MUTYH: variants seen among roughly 807,000 people sequenced by gnomAD.
The protein encoded by MUTYH is mutY DNA glycosylase.
A neutral mutation model predicts 72.9 loss-of-function variants in MUTYH; 64 were observed. The ratio of observed to expected loss-of-function variants is 0.88; its 90% CI spans 0.72 to 1.08. MUTYH has a LOEUF of 1.08. MUTYH is among the 50% of genes least tolerant of loss of function. MUTYH has a pLI of 0.00. For synonymous variants in MUTYH, 234 were observed against 263.1 expected, an observed-to-expected ratio of 0.89 and a Z score of 1.07; for missense variants, 633 against 671.0, an observed-to-expected ratio of 0.94 and a Z score of 0.63.
rs755651654 is a variant in MUTYH at position 45,331,456 on chromosome 1, C to A, written c.1203G>T (p.Gly401=). 2.5e-6 allele frequency: 4 copies of A among 1,614,104 alleles called. No individual in the cohort carries two copies. The East Asian group carries it at 8.9e-5, about 36-fold the overall frequency. Residue 401 remains glycine (G), a synonymous_variant, in exon 13 of 16, where the codon GGG becomes GGT. Transcript: ENST00000456914. ...GCCGGAGGTGCGTGGCTGGGAGGGG[C>A]CCAGCCCAACGCTGTAGTTCCTGCA... ...ALLQELQRWA[G]PLPATHLRHL... is the part of the protein sequence containing the mutation.
chr1:45,330,475 G>A, intron 15 of MUTYH, 41 bp downstream of exon 15: 1 of 1,592,034 alleles, frequency 6.3e-7, no homozygotes, highest in Non-Finnish European at 8.6e-7. Context: ...TATGGACTCA[G>A]GCCTGGGGAG....
At chr1:45,333,696 A>G in intron 2 of MUTYH, 135 bp from the exon 3 acceptor site, 1 of 1,311,354 alleles carries the variant, frequency 7.6e-7, no homozygotes, top group Non-Finnish European at 1.0e-6. Flanking sequence ...TTGGAGCTGG[A>G]GTCAGACCAG....
At chr1:45,335,412 G>A (rs994574988) in intron 1 of MUTYH, among the ~76,000 whole-genome samples, 1 of 151,562 alleles carries the variant, frequency 6.6e-6, no homozygotes, top group Non-Finnish European at 1.5e-5. Context: ...CCAAACCTTT[G>A]ACTTTACCAC....
rs2149188562 is a variant in MUTYH at position 45,334,461 on chromosome 1, C to T, written c.45G>A (p.Gln15=). ...TCTGCCTCCCTTCCTGGCTGGCTGCCTGCTTCCTGTGACCACTTCCCACGG... is the reference window on the plus strand; with the variant it reads ...TCTGCCTCCCTTCCTGGCTGGCTGCTTGCTTCCTGTGACCACTTCCCACGG... ...RAAVGSGHRK[Q]AASQEGRQKH... The change falls in exon 2 of 16, where the codon CAG becomes CAA. Residue 15 remains glutamine (Q), a synonymous_variant. Transcript: ENST00000456914. 1 of 1,614,152 alleles carries T rather than the reference C, an allele frequency of 6.2e-7. No individual in the cohort carries two copies. Among genetic ancestry groups the T allele is most frequent in the East Asian group, 2.2e-5 (1 of 44,884 alleles).
At chr1:45,335,592 C>T (rs941864533) in intron 1 of MUTYH, among the ~76,000 whole-genome samples, 2 of 152,152 alleles carry the variant, frequency 1.3e-5, no homozygotes, top group Non-Finnish European at 2.9e-5. Context: ...CACGGTGGCT[C>T]ATGCCTGTAA....
intron 1 of MUTYH, among the ~76,000 whole-genome samples, chr1:45,335,316 C>T (rs776949069): frequency 2.0e-5 from 3 of 152,066 alleles, no homozygotes; most frequent in African/African-American, 4.8e-5. Context: ...GGAGATTAAG[C>T]GACTTGTTCT....
intron 15 of MUTYH, 90 bp from the exon 16 acceptor site, chr1:45,329,527 T>C: frequency 6.5e-7 from 1 of 1,529,194 alleles, no homozygotes; most frequent in Non-Finnish European, 8.9e-7. Context: ...TCCCCGACTC[T>C]ACTGATCTAG....
rs1434384304 is a variant in MUTYH, at chr1:45,331,269, C to T, written c.1305G>A (p.Gln435=). 6.2e-7 allele frequency: 1 copy of T among 1,614,162 alleles called. No individual in the cohort carries two copies. ...CTGGTGGTACGGTGGTCACTGGGGT[C>T]TGCCCTTCCAAGGCCAGCCCATATA... is the stretch of plus-strand genomic sequence containing the variant. The part of the protein sequence containing the change: ...YQVYGLALEG[Q]TPVTTVPPGA... Residue 435 remains glutamine (Q), a synonymous_variant, in exon 14 of 16, where the codon CAG becomes CAA. Coordinates refer to ENST00000456914, the MANE Select transcript of MUTYH (RefSeq NM_001048174.2).
At chr1:45,334,592 C>T in intron 1 of MUTYH, 81 bp from the exon 2 acceptor site, 6 of 1,586,788 alleles carry the variant, frequency 3.8e-6, no homozygotes, top group South Asian at 3.3e-5. Context: ...TAGCTATCTC[C>T]CTCTCATCCA....
At chr1:45,334,286 G>A (rs1246933472) in intron 2 of MUTYH, 105 bp downstream of exon 2, 21 of 1,552,036 alleles carry the variant, frequency 1.4e-5, no homozygotes, top group Non-Finnish European at 1.8e-5. Context: ...ACCGCACCTG[G>A]CCCTTAGTAA....
chr1:45,339,808 C>G (rs1646683354), intron 1 of MUTYH, 91 bp downstream of exon 1: 1 of 1,299,118 alleles, frequency 7.7e-7, no homozygotes, highest in Non-Finnish European at 1.0e-6. Flanking sequence ...CGACCCTCTC[C>G]TAGTCTAACT....
rs587781533 is a variant in MUTYH, at chr1:45,331,508, G to A, written c.1151C>T (p.Ser384Leu). 6 of 1,614,030 alleles carry A rather than the reference G, an allele frequency of 3.7e-6. No homozygotes were observed. Among genetic ancestry groups the A allele is most frequent in the Non-Finnish European group, 5.1e-6 (6 of 1,180,046 alleles). Residue 384 changes from serine (S) to leucine (L), a missense_variant, in exon 13 of 16, where the codon TCA (serine) becomes TTA (leucine). By Grantham distance (145) the Ser-to-Leu change is moderately radical. Coordinates refer to ENST00000456914, the MANE Select transcript of MUTYH (RefSeq NM_001048174.2). ...CAGGGCCTTGCGCTGAAGCTGCTCT[G>A]AGGGCTCCCAGGTCACGGACGGGAA... ...WEFPSVTWEP[S>L]EQLQRKALLQ...
intron 2 of MUTYH, chr1:45,334,004 C>T (rs1169003037): frequency 2.7e-6 from 1 of 375,874 alleles, no homozygotes; most frequent in Non-Finnish European, 5.0e-6. Context: ...ATTACACCCT[C>T]AGTGAGTCTC....
chr1:45,339,776 G>C (rs1646674121), intron 1 of MUTYH, 123 bp downstream of exon 1: 2 of 1,175,344 alleles, frequency 1.7e-6, no homozygotes, highest in East Asian at 5.6e-5. Context: ...CCGATGCCCA[G>C]AACGCCCTTC....
In MUTYH at chr1:45,330,564, A is replaced by G. The variant is rs1351600441; in HGVS notation, c.1393-7T>C. 6.2e-7 allele frequency: 1 copy of G among 1,607,468 alleles called. No homozygotes were observed. Among genetic ancestry groups the G allele is most frequent in the Non-Finnish European group, 8.5e-7 (1 of 1,176,654 alleles). ...CCTGATACACACGGAAAACCTAGAC[A>G]AGAAGACAGGGAGGTGAGGGCTGGC... is the stretch of plus-strand genomic sequence containing the variant. On this transcript the variant is annotated splice_polypyrimidine_tract_variant and splice_region_variant and intron_variant, in intron 14 of 15. Coordinates refer to ENST00000456914, the MANE Select transcript of MUTYH (RefSeq NM_001048174.2).
intron 1 of MUTYH, among the ~76,000 whole-genome samples, chr1:45,335,861 T>C (rs1041021360): frequency 6.6e-6 from 1 of 152,066 alleles, no homozygotes; most frequent in Non-Finnish European, 1.5e-5. Flanking sequence ...TATGGCCCTC[T>C]GACATGCTGA....
At chr1:45,340,233 G>A (rs753502884), upstream of MUTYH, 4 of 1,613,852 alleles carry the variant, frequency 2.5e-6, no homozygotes, top group East Asian at 2.2e-5. Flanking sequence ...AGACGACTCA[G>A]GCGGGAGACG....
At chr1:45,339,700 T>C (rs1482265795) in intron 1 of MUTYH, 199 bp downstream of exon 1, 1 of 628,586 alleles carries the variant, frequency 1.6e-6, no homozygotes, top group Non-Finnish European at 2.6e-6. Flanking sequence ...CCTCCTCCGA[T>C]GGCCCACTCC....
upstream of MUTYH, chr1:45,340,411 T>C: frequency 6.5e-7 from 1 of 1,536,584 alleles, no homozygotes; most frequent in East Asian, 2.5e-5. Context: ...GGACTGCTCC[T>C]TCCGCCTGAA....
Sources: allele counts gnomAD v4.1 joint callset (sites outside exome capture counted in the v4.1 genomes callset), GRCh38; gene constraint gnomAD v4.1.1; transcripts MANE v1.5; gene names NCBI Gene and HGNC (gene_info 2026-07-23, HGNC 2026-07-21).